DOK6: variants seen among roughly 807,000 people sequenced by gnomAD.
DOK6 encodes the protein downstream of tyrosine kinase 6.
Under a neutral mutation model 44.0 loss-of-function variants are expected in DOK6, and 22 were observed. That is an observed-to-expected ratio of 0.50 (90% CI 0.36 to 0.71). DOK6 has a LOEUF of 0.71. DOK6 is among the 30% of genes least tolerant of loss of function. The pLI, the probability that DOK6 is intolerant of heterozygous loss-of-function variation, is 0.00. For synonymous variants in DOK6, 166 were observed against 145.5 expected (o/e 1.14, Z -1.01); for missense variants, 340 against 416.4 (o/e 0.82, Z 1.60).
chr18:69,408,686 G>A (rs569509865), intron 1 of DOK6, among the ~76,000 whole-genome samples: 1 of 152,154 alleles, frequency 6.6e-6, no homozygotes, highest in Non-Finnish European at 1.5e-5. Context: ...AAATCAAAAG[G>A]CAGTATGTGT....
At chr18:69,661,701 C>T (rs1985531833) in intron 3 of DOK6, 1 of 152,154 alleles carries the variant, frequency 6.6e-6, no homozygotes, top group South Asian at 2.1e-4. Flanking sequence ...TTCTTTCCAC[C>T]TAAAATAATT....
rs118190012 is a variant in DOK6, at chr18:69,406,352, C to T, written c.66+5042C>T. Among the ~76,000 whole-genome samples, 33 of 152,186 alleles carry T rather than the reference C, an allele frequency of 2.2e-4. No individual in the cohort carries two copies. In the East Asian group the frequency reaches 6.2e-3, roughly 28 times the overall value. On this transcript the variant is annotated intron_variant, in intron 1 of 7. Transcript: ENST00000382713. ...TCCCTCTGTCTGCATATGAACATGTCCAAAGTTCTTTGAATTTCAAAAATT... is the reference window on the plus strand; with the variant it reads ...TCCCTCTGTCTGCATATGAACATGTTCAAAGTTCTTTGAATTTCAAAAATT...
At chr18:69,447,037 G>A (rs1192718870) in intron 1 of DOK6, among the ~76,000 whole-genome samples, 1 of 152,162 alleles carries the variant, frequency 6.6e-6, no homozygotes, top group African/African-American at 2.4e-5. Context: ...TTCTTTTGCT[G>A]TGCAGAAGCT....
At chr18:69,704,540 G>A (rs559855869) in intron 5 of DOK6, among the ~76,000 whole-genome samples, 43 of 148,512 alleles carry the variant, frequency 2.9e-4, no homozygotes, top group Non-Finnish European at 4.7e-4. Flanking sequence ...GTGCAGTGGC[G>A]CAATCTCGGC....
chr18:69,458,330 T>C, intron 1 of DOK6, among the ~76,000 whole-genome samples: 1 of 152,332 alleles, frequency 6.6e-6, no homozygotes, highest in Middle Eastern at 3.4e-3. Context: ...AAAAAGCTTT[T>C]GATAAAATCC....
At chr18:69,634,887 T>C (rs912345504) in intron 3 of DOK6, among the ~76,000 whole-genome samples, 1 of 152,204 alleles carries the variant, frequency 6.6e-6, no homozygotes, top group African/African-American at 2.4e-5. Context: ...TTTTTCCCCT[T>C]TCTTAAAATG....
chr18:69,740,502 A>G (rs768189840), intron 6 of DOK6, among the ~76,000 whole-genome samples: 1 of 152,192 alleles, frequency 6.6e-6, no homozygotes, highest in Non-Finnish European at 1.5e-5. Context: ...TGTTTTAAAC[A>G]AGCAAAAGCT....
intron 1 of DOK6, among the ~76,000 whole-genome samples, chr18:69,562,028 A>T (rs568084456): frequency 5.1e-4 from 77 of 152,334 alleles, no homozygotes; most frequent in Non-Finnish European, 8.8e-4. Context: ...GGCATAAAGA[A>T]ATTATCCACC....
At chr18:69,693,281 TAGAATACA>T (rs1433161079) in intron 4 of DOK6, among the ~76,000 whole-genome samples, 2 of 67,812 alleles carry the variant, frequency 2.9e-5, no homozygotes, top group Non-Finnish European at 6.4e-5. Flanking sequence ...GAGGAAGAAA[TAGAATACA>T]GTGGAAAAAA....
At chr18:69,482,556 T>C (rs1048468175) in intron 1 of DOK6, among the ~76,000 whole-genome samples, 7 of 152,066 alleles carry the variant, frequency 4.6e-5, no homozygotes, top group Non-Finnish European at 7.4e-5. Context: ...GAAAAACAAT[T>C]CTGTTCTAGG....
intron 1 of DOK6, among the ~76,000 whole-genome samples, chr18:69,505,500 T>TC (rs1438674421): frequency 1.4e-5 from 2 of 145,252 alleles, no homozygotes; most frequent in African/African-American, 2.6e-5. Context: ...TCTTTTTTTT[T>TC]TTTTTTTTTT....
At chr18:69,784,103 C>T (rs905780306) in intron 7 of DOK6, among the ~76,000 whole-genome samples, 1 of 152,098 alleles carries the variant, frequency 6.6e-6, no homozygotes, top group Non-Finnish European at 1.5e-5. Flanking sequence ...GTGGGAGGAT[C>T]ACTTAAGCCC....
intron 7 of DOK6, among the ~76,000 whole-genome samples, chr18:69,814,902 T>G (rs1050696492): frequency 6.6e-6 from 1 of 151,982 alleles, no homozygotes; most frequent in East Asian, 1.9e-4. Flanking sequence ...TCAGGTGTCA[T>G]GCGACTAGCA....
intron 1 of DOK6, among the ~76,000 whole-genome samples, chr18:69,511,878 C>T (rs1184463169): frequency 6.6e-6 from 1 of 152,122 alleles, no homozygotes; most frequent in Admixed American, 6.5e-5. Flanking sequence ...ACTAAAACCA[C>T]ATAAAATAAC....
rs2145145161 is a variant in DOK6 at position 69,845,324 on chromosome 18, A to C, written c.*3941A>C. 1 of 152,386 alleles carries C rather than the reference A, an allele frequency of 6.6e-6. No homozygotes were observed. Among genetic ancestry groups the C allele is most frequent in the South Asian group, 2.1e-4 (1 of 4,828 alleles). 9.4% of individuals were successfully genotyped at this position (152,386 alleles called of 1,614,324 possible). On this transcript the variant is annotated 3_prime_UTR_variant, in exon 8 of 8. Coordinates refer to ENST00000382713, the MANE Select transcript of DOK6 (RefSeq NM_152721.6). The stretch of plus-strand genomic sequence containing the variant: ...AAAATATTATATTGAAGACTGCACA[A>C]AGAGAAAATTATACATGTTTCTCCA...
At chr18:69,623,718 A>G (rs1175109131) in intron 3 of DOK6, among the ~76,000 whole-genome samples, 3 of 152,136 alleles carry the variant, frequency 2.0e-5, no homozygotes, top group Non-Finnish European at 4.4e-5. Context: ...TACACTTTGA[A>G]CTCATTTGAA....
intron 1 of DOK6, among the ~76,000 whole-genome samples, chr18:69,476,479 C>G (rs1327150408): frequency 1.6e-3 from 250 of 152,242 alleles, no homozygotes; most frequent in East Asian, 0.012. Context: ...CTTGATCAGT[C>G]AGAGTTCCCG....
At chr18:69,756,815 T>A (rs538795231) in intron 6 of DOK6, among the ~76,000 whole-genome samples, 1 of 152,162 alleles carries the variant, frequency 6.6e-6, no homozygotes, top group Non-Finnish European at 1.5e-5. Flanking sequence ...ACAGAGATGA[T>A]CTTTGCAACT....
At chr18:69,566,652 A>G (rs1368887852) in intron 2 of DOK6, among the ~76,000 whole-genome samples, 1 of 152,210 alleles carries the variant, frequency 6.6e-6, no homozygotes, top group Non-Finnish European at 1.5e-5. Context: ...TGTGTGAGAC[A>G]CAGTCTTGCC....
Sources: gnomAD v4.1 joint callset for allele counts (sites outside exome capture counted in the v4.1 genomes callset) on GRCh38, gnomAD v4.1.1 for gene constraint, MANE v1.5 for transcripts, NCBI Gene and HGNC (gene_info 2026-07-23, HGNC 2026-07-21) for gene names.